CNTNAP3B: variants seen among roughly 807,000 people sequenced by gnomAD.
CNTNAP3B encodes contactin-associated protein-like 3B.
A neutral mutation model predicts 108.9 loss-of-function variants in CNTNAP3B; 25 were observed. The observed-to-expected ratio is 0.23, with a 90% confidence interval of 0.17 to 0.32. The LOEUF is 0.32. Among genes scored for constraint, CNTNAP3B ranks in the 10% least tolerant of loss-of-function variants. The pLI, the probability that CNTNAP3B is intolerant of heterozygous loss-of-function variation, is 1.00. For synonymous variants in CNTNAP3B, 103 were observed against 473.4 expected, an observed-to-expected ratio of 0.22 and a Z score of 10.16; for missense variants, 252 against 1,210.4, an observed-to-expected ratio of 0.21 and a Z score of 11.75.
At chr9:42,037,412 T>C (rs900378689) in intron 3 of CNTNAP3B, among the ~76,000 whole-genome samples, 1 of 128,000 alleles carries the variant, frequency 7.8e-6, no homozygotes, top group African/African-American at 3.2e-5. Flanking sequence ...CTAACTAGAA[T>C]AAACAGTGTA....
chr9:41,950,420 C>A (rs1213036582), intron 13 of CNTNAP3B, among the ~76,000 whole-genome samples: 1 of 136,646 alleles, frequency 7.3e-6, no homozygotes, highest in Non-Finnish European at 1.6e-5. Flanking sequence ...AATGTTCACA[C>A]AAAACCTGTA....
intron 2 of CNTNAP3B, among the ~76,000 whole-genome samples, chr9:42,103,196 C>T (rs1436865894): frequency 7.1e-6 from 1 of 139,980 alleles, no homozygotes; most frequent in Admixed American, 7.1e-5. Context: ...TCCACTGAGG[C>T]TCTGCAGCAA....
intron 3 of CNTNAP3B, among the ~76,000 whole-genome samples, chr9:42,032,693 C>A (rs577895653): frequency 9.2e-6 from 1 of 108,724 alleles, no homozygotes; most frequent in Admixed American, 1.0e-4. Flanking sequence ...GTCAGGCACC[C>A]TGCCTTAGTC....
chr9:41,929,974 C>G, intron 14 of CNTNAP3B, among the ~76,000 whole-genome samples: 1 of 152,146 alleles, frequency 6.6e-6, no homozygotes, highest in East Asian at 1.9e-4. Context: ...AAGGTAACTT[C>G]CCTTCTAAAA....
rs1285826567 is a variant in CNTNAP3B, at chr9:42,062,977, C to A, written c.390+13892G>T. 5.1e-5 allele frequency among the ~76,000 whole-genome samples: 5 copies of A among 98,654 alleles called. 2 individuals carry two copies. Among genetic ancestry groups the A allele is most frequent in the African/African-American group, 1.9e-4 (5 of 26,336 alleles). The allele number at this position is 98,654 out of a possible 152,430, so 64.7% of individuals were successfully genotyped here. ...TTTTGATGCTTTTTATATTGTGTAACCCTTAATGAATTATTGCAGCTTTAA... is the reference window on the plus strand; with the variant it reads ...TTTTGATGCTTTTTATATTGTGTAAACCTTAATGAATTATTGCAGCTTTAA... On this transcript the variant is annotated intron_variant, in intron 3 of 23. Coordinates refer to ENST00000377561, the MANE Select transcript of CNTNAP3B (RefSeq NM_001201380.3).
intron 18 of CNTNAP3B, among the ~76,000 whole-genome samples, chr9:41,919,014 A>G (rs1163230070): frequency 2.0e-5 from 3 of 152,270 alleles, no homozygotes; most frequent in Non-Finnish European, 4.4e-5. Flanking sequence ...AGACACTTAA[A>G]CACACAATTA....
intron 9 of CNTNAP3B, among the ~76,000 whole-genome samples, chr9:41,977,729 C>T (rs1402796289): frequency 7.7e-6 from 1 of 129,340 alleles, no homozygotes; most frequent in African/African-American, 3.2e-5. Context: ...ATGCCATTCT[C>T]CTGCCTCAGC....
chr9:42,035,936 C>T (rs1347220160), intron 3 of CNTNAP3B, among the ~76,000 whole-genome samples: 1 of 140,666 alleles, frequency 7.1e-6, no homozygotes, highest in African/African-American at 2.8e-5. Flanking sequence ...GGTGAAACCA[C>T]ATCTCTACTA....
Position 42,118,598 on chromosome 9 carries a change from TC to T in CNTNAP3B, c.85+10411del, listed in dbSNP as rs2118737311. Among the ~76,000 whole-genome samples the T allele has an allele frequency of 1.6e-5, 2 of 121,576 alleles. 1 individual carries two copies. Among genetic ancestry groups the T allele is most frequent in the East Asian group, 5.7e-4 (2 of 3,522 alleles). The allele number at this position is 121,576 out of a possible 152,430, so 79.8% of individuals were successfully genotyped here. On this transcript the variant is annotated intron_variant, in intron 1 of 23. Coordinates refer to ENST00000377561, the MANE Select transcript of CNTNAP3B (RefSeq NM_001201380.3). The stretch of plus-strand genomic sequence containing the variant: ...CTGAATGGACAAAAACTGGAAGCAT[TC>T]CCTTTGAAAACTGGCACAAGACAGG...
chr9:41,968,968 T>C (rs1825362360), intron 10 of CNTNAP3B, among the ~76,000 whole-genome samples: 1 of 152,260 alleles, frequency 6.6e-6, no homozygotes, highest in Admixed American at 6.5e-5. Context: ...GGCTAATTTT[T>C]TGCATTTTTA....
chr9:42,059,985 T>C (rs538328665), intron 3 of CNTNAP3B, among the ~76,000 whole-genome samples: 1 of 151,194 alleles, frequency 6.6e-6, no homozygotes, highest in South Asian at 2.1e-4. Flanking sequence ...ACAATTTAAA[T>C]TCTGTTTTCT....
intron 3 of CNTNAP3B, among the ~76,000 whole-genome samples, chr9:42,045,276 AT>A (rs1826848344): frequency 8.5e-6 from 1 of 118,220 alleles, no homozygotes; most frequent in Non-Finnish European, 1.7e-5. Context: ...TGGCATAATT[AT>A]TTTTATTGTA....
Position 42,088,425 on chromosome 9 carries a change from TTTTG to T in CNTNAP3B, c.197-11367_197-11364del, listed in dbSNP as rs1434782595. ...ATCTATATTAACATCCTTATGAATA[TTTTG>T]TTTGTTTGAATGCCACTTCCTGTCA... On this transcript the variant is annotated intron_variant, in intron 2 of 23. Transcript: ENST00000377561. 2.2e-5 allele frequency among the ~76,000 whole-genome samples: 3 copies of T among 139,520 alleles called. 1 individual carries two copies. The highest frequency in any genetic ancestry group is 4.6e-5 in the Non-Finnish European group (3 of 65,036). 91.5% of individuals were successfully genotyped at this position (139,520 alleles called of 152,430 possible). A position where few individuals can be genotyped will look rare whatever the true frequency, so the allele number is the denominator to read the frequency against.
Position 42,118,080 on chromosome 9 carries a change from C to T in CNTNAP3B, c.85+10930G>A, listed in dbSNP as rs1284651740. Reference sequence around the variant, plus strand: ...GTCCAGGACCAGATGGATTCACAGCCCAATTCTACCAGAGGTACAAGGAGG... The same window carrying T: ...GTCCAGGACCAGATGGATTCACAGCTCAATTCTACCAGAGGTACAAGGAGG... On this transcript the variant is annotated intron_variant, in intron 1 of 23. Coordinates refer to ENST00000377561, the MANE Select transcript of CNTNAP3B (RefSeq NM_001201380.3). Among the ~76,000 whole-genome samples, 3 of 135,442 alleles carry T rather than the reference C, an allele frequency of 2.2e-5. No individual in the cohort carries two copies. The East Asian group carries it at 7.0e-4, about 32-fold the overall frequency. The allele number at this position is 135,442 out of a possible 152,430, so 88.9% of individuals were successfully genotyped here. A position where few individuals can be genotyped will look rare whatever the true frequency, so the allele number is the denominator to read the frequency against.
intron 3 of CNTNAP3B, among the ~76,000 whole-genome samples, chr9:42,026,303 A>G (rs1358648773): frequency 2.5e-5 from 1 of 39,338 alleles, no homozygotes; most frequent in African/African-American, 1.0e-4. Context: ...CTACCTCAAA[A>G]GAGTCTTTCT....
At chr9:42,041,816 G>A (rs1255673757) in intron 3 of CNTNAP3B, among the ~76,000 whole-genome samples, 1 of 143,070 alleles carries the variant, frequency 7.0e-6, no homozygotes, top group Non-Finnish European at 1.5e-5. Flanking sequence ...ATCTGCAATA[G>A]CAAAGACTTG....
chr9:41,960,007 T>G (rs1825019810), intron 12 of CNTNAP3B: 1 of 152,374 alleles, frequency 6.6e-6, no homozygotes, highest in African/African-American at 2.4e-5. Context: ...TTTTTTTTTT[T>G]TTTTTTTTTG....
At chr9:41,917,885 G>C (rs1312255216) in intron 18 of CNTNAP3B, among the ~76,000 whole-genome samples, 10 of 151,830 alleles carry the variant, frequency 6.6e-5, no homozygotes, top group Non-Finnish European at 1.3e-4. Context: ...TCCATATAGA[G>C]TGGAGCTTCC....
chr9:41,978,055 G>A (rs956625887), intron 9 of CNTNAP3B, among the ~76,000 whole-genome samples: 11 of 119,350 alleles, frequency 9.2e-5, no homozygotes, highest in African/African-American at 3.4e-4. Context: ...ATTAGCAAAT[G>A]TATCTTATTA....
Sources: gnomAD v4.1 joint callset for allele counts (sites outside exome capture counted in the v4.1 genomes callset) on GRCh38, gnomAD v4.1.1 for gene constraint, MANE v1.5 for transcripts, NCBI Gene and HGNC (gene_info 2026-07-23, HGNC 2026-07-21) for gene names.